LTBP2: variants seen among roughly 807,000 people sequenced by gnomAD.
The protein encoded by LTBP2 is latent-transforming growth factor beta-binding protein 2.
A neutral mutation model predicts 210.6 loss-of-function variants in LTBP2; 103 were observed. The ratio of observed to expected loss-of-function variants is 0.49; its 90% CI spans 0.42 to 0.58. The LOEUF (loss-of-function observed/expected upper bound fraction) is 0.58. Ranked by LOEUF, LTBP2 falls within the 20% of genes least tolerant of loss-of-function variation. The probability of loss-of-function intolerance (pLI) is 0.00; values close to 1 mark genes in which losing one functional copy is unlikely to be tolerated. For synonymous variants in LTBP2, 1,007 were observed against 1,015.0 expected (o/e 0.99, Z 0.15); for missense variants, 2,313 against 2,494.5 (o/e 0.93, Z 1.55).
intron 3 of LTBP2, among the ~76,000 whole-genome samples, chr14:74,563,308 C>G (rs968297465): frequency 9.9e-5 from 15 of 152,180 alleles, no homozygotes; most frequent in Admixed American, 7.2e-4. Context: ...GGGACCCGAC[C>G]TAAGACACTC....
intron 3 of LTBP2, among the ~76,000 whole-genome samples, chr14:74,557,851 C>T (rs571967164): frequency 6.6e-6 from 1 of 152,302 alleles, no homozygotes; most frequent in African/African-American, 2.4e-5. Context: ...AACCCAGGGC[C>T]TGATCCACAA....
intron 19 of LTBP2, among the ~76,000 whole-genome samples, chr14:74,510,442 A>G (rs1463201152): frequency 6.6e-6 from 1 of 152,196 alleles, no homozygotes; most frequent in Non-Finnish European, 1.5e-5. Flanking sequence ...AGCACTCTGC[A>G]TGTATCCACG....
intron 9 of LTBP2, among the ~76,000 whole-genome samples, chr14:74,535,595 G>A (rs1448047104): frequency 2.0e-5 from 3 of 152,214 alleles, no homozygotes; most frequent in Non-Finnish European, 4.4e-5. Context: ...AGGGAGACCA[G>A]CTCAGGAGAA....
At chr14:74,588,202 T>TTTG (rs1401383712) in intron 2 of LTBP2, among the ~76,000 whole-genome samples, 6 of 152,134 alleles carry the variant, frequency 3.9e-5, no homozygotes, top group African/African-American at 9.7e-5. Flanking sequence ...GCCATTAGTT[T>TTTG]TTGTTGTTGT....
rs115556041 is a variant in LTBP2 at position 74,604,850 on chromosome 14, G to A, written c.495-1145C>T. Among the ~76,000 whole-genome samples, 1,202 of 152,252 alleles carry A rather than the reference G, an allele frequency of 7.9e-3. 17 individuals carry two copies. The highest frequency in any genetic ancestry group is 0.028 in the African/African-American group (1,151 of 41,554). ...CCCCCATGAGACGCTGACCTACAGT[G>A]CTGGGGCATTCACTCAGCTCCCCAA... On this transcript the variant is annotated intron_variant, in intron 1 of 35. Transcript: ENST00000261978.
intron 18 of LTBP2, among the ~76,000 whole-genome samples, chr14:74,512,057 C>T (rs994000687): frequency 6.6e-6 from 1 of 152,114 alleles, no homozygotes; most frequent in Non-Finnish European, 1.5e-5. Flanking sequence ...ACGAGAGGAC[C>T]CAGGAAGGGA....
At chr14:74,570,642 T>G (rs1177471050) in intron 3 of LTBP2, among the ~76,000 whole-genome samples, 7 of 152,220 alleles carry the variant, frequency 4.6e-5, no homozygotes, top group Non-Finnish European at 1.0e-4. Context: ...TTTTTTTATT[T>G]ACTTGATTAG....
At position 74,509,260 on chromosome 14, in the gene LTBP2, G is replaced by A; in HGVS notation, c.3381C>T (p.Ser1127=). The A allele has an allele frequency of 6.2e-7, 1 of 1,613,646 alleles. No individual in the cohort carries two copies. Among genetic ancestry groups the A allele is most frequent in the Non-Finnish European group, 8.5e-7 (1 of 1,179,986 alleles). ...CKDCDGGYRP[S]PLGDSCEDVD... ...TACCTTCACAGGAGTCACCCAGGGG[G>A]CTGGGCCGGTAGCCCCCATCGCAGT... is the stretch of plus-strand genomic sequence containing the variant. Residue 1127 remains serine, a synonymous_variant, in exon 22 of 36, where the codon AGC becomes AGT. Coordinates refer to ENST00000261978, the MANE Select transcript of LTBP2 (RefSeq NM_000428.3).
rs766834607 is a variant in LTBP2 at position 74,529,017 on chromosome 14, C to T, written c.2093G>A (p.Cys698Tyr). ...AQRITKQICC[C>Y]SRVGKAWGSE... ...GCCCCATGCTTTGCCCACGCGGCTG[C>T]AGCAGCATATCTGCTTGGTGATCCG... is the stretch of plus-strand genomic sequence containing the variant. Residue 698 changes from cysteine (C) to tyrosine (Y), a missense_variant, in exon 11 of 36, where the codon TGC (cysteine) becomes TAC (tyrosine). By Grantham distance (194) the Cys-to-Tyr change is radical (BLOSUM62 -2). This residue lies in a region of LTBP2 where 1,867 missense variants were observed against 1,976.9 expected (regional missense o/e 0.94). Coordinates refer to ENST00000261978, the MANE Select transcript of LTBP2 (RefSeq NM_000428.3). The T allele has an allele frequency of 1.2e-6, 2 of 1,601,652 alleles. No homozygotes were observed. The highest frequency in any genetic ancestry group is 1.7e-6 in the Non-Finnish European group (2 of 1,174,278).
rs563935952 is a variant in LTBP2 at position 74,500,361 on chromosome 14, A to G, written c.*523T>C. 3 of 316,812 alleles carry G rather than the reference A, an allele frequency of 9.5e-6. No homozygotes were observed. Among genetic ancestry groups the G allele is most frequent in the Admixed American group, 4.5e-5 (1 of 22,048 alleles). The allele number at this position is 316,812 out of a possible 1,614,324, so 19.6% of individuals were successfully genotyped here. A position where few individuals can be genotyped will look rare whatever the true frequency, so the allele number is the denominator to read the frequency against. ...GTGGCAAAATCAGGGCCCAGAACAG[A>G]TTGGCTGAGTGGTGGTGATGGTTCT... is the stretch of plus-strand genomic sequence containing the variant. On this transcript the variant is annotated 3_prime_UTR_variant, in exon 36 of 36. Coordinates refer to ENST00000261978, the MANE Select transcript of LTBP2 (RefSeq NM_000428.3).
chr14:74,532,230 C>A (rs1172800116), intron 10 of LTBP2, among the ~76,000 whole-genome samples, 196 bp downstream of exon 10: 1 of 152,204 alleles, frequency 6.6e-6, no homozygotes, highest in Non-Finnish European at 1.5e-5. Flanking sequence ...AAGTAGTAAC[C>A]ATCTCTGTTC....
intron 33 of LTBP2, 77 bp from the exon 34 acceptor site, chr14:74,503,011 G>T: frequency 6.3e-7 from 1 of 1,575,418 alleles, no homozygotes; most frequent in East Asian, 2.2e-5. Flanking sequence ...GTCTCTGGGA[G>T]CATGCAAGGA....
chr14:74,523,985 G>A (rs542125758), intron 15 of LTBP2, among the ~76,000 whole-genome samples: 1 of 152,260 alleles, frequency 6.6e-6, no homozygotes, highest in African/African-American at 2.4e-5. Flanking sequence ...GGTTGTGGGG[G>A]CCCTCAGCTG....
intron 3 of LTBP2, among the ~76,000 whole-genome samples, chr14:74,564,225 ATATATATTTATATATATTTATATATATT>A: frequency 3.7e-5 from 1 of 26,972 alleles, no homozygotes; most frequent in African/African-American, 1.5e-4. Flanking sequence ...ATATATTTAT[ATATATATTTATATATATTTATATATATT>A]TATATATATT....
intron 2 of LTBP2, among the ~76,000 whole-genome samples, chr14:74,590,142 C>A (rs539286844): frequency 4.6e-5 from 7 of 152,266 alleles, no homozygotes; most frequent in Non-Finnish European, 8.8e-5. Flanking sequence ...AGTCACAAAA[C>A]AATTGATGTT....
chr14:74,501,238 G>T (rs930022999), intron 35 of LTBP2, among the ~76,000 whole-genome samples: 2 of 152,226 alleles, frequency 1.3e-5, no homozygotes, highest in African/African-American at 4.8e-5. Context: ...GTGCTCTCTT[G>T]TCCTTGTCTT....
chr14:74,609,001 A>G (rs1218038688), intron 1 of LTBP2, among the ~76,000 whole-genome samples: 1 of 152,218 alleles, frequency 6.6e-6, no homozygotes, highest in Non-Finnish European at 1.5e-5. Flanking sequence ...TTCTTCCAAA[A>G]TATTTGTCGA....
Position 74,500,877 on chromosome 14 carries a change from C to G in LTBP2, c.*7G>C, listed in dbSNP as rs1314499287. On this transcript the variant is annotated 3_prime_UTR_variant, in exon 36 of 36. Coordinates refer to ENST00000261978, the MANE Select transcript of LTBP2 (RefSeq NM_000428.3). ...TTCCAGGTAGTTGCCACACTGACCC[C>G]TGACTGCTACTCCTTGGCAGTGCAG... 2.5e-6 allele frequency: 4 copies of G among 1,613,866 alleles called. No individual in the cohort carries two copies. Among genetic ancestry groups the G allele is most frequent in the African/African-American group, 1.3e-5 (1 of 74,936 alleles).
At chr14:74,597,121 G>T (rs527602619) in intron 2 of LTBP2, among the ~76,000 whole-genome samples, 35 of 152,342 alleles carry the variant, frequency 2.3e-4, no homozygotes, top group African/African-American at 7.5e-4. Flanking sequence ...CAGAGGAGAA[G>T]CAGCAGCCAG....
Sources: allele counts gnomAD v4.1 joint callset (sites outside exome capture counted in the v4.1 genomes callset), GRCh38; gene constraint gnomAD v4.1.1; regional missense constraint gnomAD v4.1.1; transcripts MANE v1.5; gene names NCBI Gene and HGNC (gene_info 2026-07-23, HGNC 2026-07-21).